The following BCL9L variants were observed in gnomAD, a reference collection of about 807,000 sequenced individuals.
BCL9L encodes the protein B-cell CLL/lymphoma 9-like protein.
BCL9L carries 19 observed loss-of-function variants against 99.4 expected under a neutral mutation model. That is an observed-to-expected ratio of 0.19 (90% CI 0.13 to 0.28). BCL9L has a LOEUF of 0.28. BCL9L is among the 10% of genes least tolerant of loss of function. The pLI, the probability that BCL9L is intolerant of heterozygous loss-of-function variation, is 1.00. For missense variants in BCL9L, 2,023 were observed against 2,101.6 expected (o/e 0.96, Z 0.73); for synonymous variants, 900 against 854.8 (o/e 1.05, Z -0.92).
Position 118,899,035 on chromosome 11 carries a change from G to A in BCL9L, c.3880C>T (p.Pro1294Ser), listed in dbSNP as rs1465256208. The A allele has an allele frequency of 8.1e-6, 13 of 1,613,472 alleles. No homozygotes were observed. In the East Asian group the frequency reaches 1.1e-4, roughly 14 times the overall value. The change falls in exon 10 of 10, where the codon CCA becomes TCA. Residue 1294 changes from proline (P) to serine (S), a missense_variant. By Grantham distance (74) the Pro-to-Ser change is moderately conservative. This residue lies in a region of BCL9L where 902 missense variants were observed against 888.2 expected (regional missense o/e 1.02). Coordinates refer to ENST00000683865, the MANE Select transcript of BCL9L (RefSeq NM_001378213.1). Reference sequence around the variant, plus strand: ...GCCACCCCAGGGAGCACACCCGGTGGGTATGCGTCGCCCATGCGCCCAGCC... The same window carrying A: ...GCCACCCCAGGGAGCACACCCGGTGAGTATGCGTCGCCCATGCGCCCAGCC... ...AMAGRMGDAYPPGVLPGVASV... is the reference protein window; with the variant it reads ...AMAGRMGDAYSPGVLPGVASV...
rs1164695695 is a variant in BCL9L, at chr11:118,914,257, G to A, written c.-76-4242C>T. ...AATCTGTCCCCTATTTAGGGGGGTA[G>A]GGGTGGCCGAGGAACCTCCTCCAAA... On this transcript the variant is annotated intron_variant, in intron 2 of 9. Coordinates refer to ENST00000683865, the MANE Select transcript of BCL9L (RefSeq NM_001378213.1). The surrounding 1 kb of genome is among the most constrained non-coding windows in gnomAD (Gnocchi z 4.4). Among the ~76,000 whole-genome samples the A allele has an allele frequency of 1.3e-5, 2 of 152,132 alleles. No individual in the cohort carries two copies. The highest frequency in any genetic ancestry group is 2.4e-5 in the African/African-American group (1 of 41,410).
chr11:118,921,102 C>T lies in BCL9L; in HGVS notation c.-130-2223G>A, dbSNP rs1941125398. ...ACATCCAAAGACGTTTCCTAAAAAG[C>T]ACTCCAAATTCTCCAAGAGTGGCCC... On this transcript the variant is annotated intron_variant, in intron 1 of 9. Coordinates refer to ENST00000683865, the MANE Select transcript of BCL9L (RefSeq NM_001378213.1). The surrounding 1 kb of genome is among the most constrained non-coding windows in gnomAD (Gnocchi z 5.4). Among the ~76,000 whole-genome samples, 1 of 152,172 alleles carries T rather than the reference C, an allele frequency of 6.6e-6. No homozygotes were observed. Among genetic ancestry groups the T allele is most frequent in the African/African-American group, 2.4e-5 (1 of 41,428 alleles).
Position 118,899,952 on chromosome 11 carries a change from A to C in BCL9L, c.3371T>G (p.Leu1124Arg), listed in dbSNP as rs1189132553. ...GCCCTGCGGTGGTGGTGGGGGGGGC[A>C]GCAGGGGCCGGTCGGGCAGCAGCTC... is the stretch of plus-strand genomic sequence containing the variant. Reference protein sequence around the residue: ...DDELLPDRPLLPPPPPPQGSG... With the variant: ...DDELLPDRPLRPPPPPPQGSG... Residue 1124 changes from leucine (L) to arginine (R), a missense_variant, in exon 9 of 10, where the codon CTG (leucine) becomes CGG (arginine). Leu to Arg is a moderately radical substitution (Grantham distance 102, BLOSUM62 -2). Coordinates refer to ENST00000683865, the MANE Select transcript of BCL9L (RefSeq NM_001378213.1). 1.9e-6 allele frequency: 3 copies of C among 1,613,424 alleles called. No homozygotes were observed. The highest frequency in any genetic ancestry group is 2.5e-6 in the Non-Finnish European group (3 of 1,179,916).
intron 3 of BCL9L, 46 bp from the exon 4 acceptor site, chr11:118,908,701 C>A (rs1210220912): frequency 6.5e-7 from 1 of 1,530,586 alleles, no homozygotes; most frequent in Non-Finnish European, 8.8e-7. Flanking sequence ...TTGCTAGGGG[C>A]TAGGCATGCC....
chr11:118,902,572 G>A lies in BCL9L; in HGVS notation c.1171C>T (p.Arg391Cys), dbSNP rs768669983. 1.4e-5 allele frequency: 22 copies of A among 1,601,114 alleles called. No homozygotes were observed. The highest frequency in any genetic ancestry group is 1.7e-5 in the Non-Finnish European group (20 of 1,179,864). Residue 391 changes from arginine to cysteine, a missense_variant, in exon 8 of 10, where the codon CGC (arginine) becomes TGC (cysteine). Physicochemically the swap from Arg to Cys is radical, Grantham distance 180 (BLOSUM62 -3). Around this residue, in one of 3 missense-constraint regions of BCL9L, gnomAD observed 1,116 missense variants for 1,194.6 expected, o/e 0.93. Coordinates refer to ENST00000683865, the MANE Select transcript of BCL9L (RefSeq NM_001378213.1). This position sits in a 1 kb window ranked among gnomAD's most constrained non-coding sequence, Gnocchi z 7.8. ...GEAAAPGNGQ[R>C]SLVGSEGLSK... Reference sequence around the variant, plus strand: ...AAGCCCTCTGAGCCCACCAGGCTGCGCTGCCCATTTCCAGGGGCGGCTGCC... The same window carrying A: ...AAGCCCTCTGAGCCCACCAGGCTGCACTGCCCATTTCCAGGGGCGGCTGCC...
rs757330776 is a variant in BCL9L, at chr11:118,900,964, G to T, written c.2779C>A (p.Pro927Thr). Residue 927 changes from proline to threonine, a missense_variant, in exon 8 of 10, where the codon CCG (proline) becomes ACG (threonine). Physicochemically the swap from Pro to Thr is conservative, Grantham distance 38 (BLOSUM62 -1). Coordinates refer to ENST00000683865, the MANE Select transcript of BCL9L (RefSeq NM_001378213.1). The surrounding 1 kb of genome is among the most constrained non-coding windows in gnomAD (Gnocchi z 5.3). ...LTISINQMGS[P>T]GMGHLKSPTL... Reference sequence around the variant, plus strand: ...GGCGACTTCAAGTGCCCCATGCCCGGTGAGCCCATCTGATTAATACTGATG... The same window carrying T: ...GGCGACTTCAAGTGCCCCATGCCCGTTGAGCCCATCTGATTAATACTGATG... 2 of 1,553,078 alleles carry T rather than the reference G, an allele frequency of 1.3e-6. No individual in the cohort carries two copies. The highest frequency in any genetic ancestry group is 4.5e-5 in the East Asian group (2 of 44,308).
At position 118,903,046 on chromosome 11, in the gene BCL9L, C is replaced by T. The variant is rs747195156; in HGVS notation, c.778G>A (p.Ala260Thr). The T allele has an allele frequency of 6.3e-7, 1 of 1,588,738 alleles. No homozygotes were observed. Among genetic ancestry groups the T allele is most frequent in the Non-Finnish European group, 8.5e-7 (1 of 1,172,070 alleles). Reference protein sequence around the residue: ...TAAEAVLQGRADSILAYHQQN... With the variant: ...TAAEAVLQGRTDSILAYHQQN... The stretch of plus-strand genomic sequence containing the variant: ...TGGTGGTAGGCGAGGATGGAGTCGG[C>T]CCGGCCCTGCAGCACTGCCTCTGCA... Residue 260 changes from alanine to threonine, a missense_variant, in exon 7 of 10, where the codon GCC becomes ACC. Ala to Thr is a moderately conservative substitution (Grantham distance 58). Coordinates refer to ENST00000683865, the MANE Select transcript of BCL9L (RefSeq NM_001378213.1). This position sits in a 1 kb window ranked among gnomAD's most constrained non-coding sequence, Gnocchi z 5.6.
chr11:118,904,573 G>GT lies in BCL9L; in HGVS notation c.533-1122dup, dbSNP rs542290213. On this transcript the variant is annotated intron_variant, in intron 5 of 9. Transcript: ENST00000683865. ...TTGTTCCATGGTTAGACACTTGACT[G>GT]TAAGTCTTAGCGTAGAAAAAAATCT... Among the ~76,000 whole-genome samples the GT allele has an allele frequency of 5.6e-4, 85 of 152,322 alleles. No homozygotes were observed. In the South Asian group the frequency reaches 0.017, roughly 30 times the overall value.
In BCL9L at chr11:118,900,067, G is replaced by A. The variant is rs1940142767; in HGVS notation, c.3256C>T (p.Leu1086=). The A allele has an allele frequency of 6.2e-7, 1 of 1,614,062 alleles. No individual in the cohort carries two copies. Among genetic ancestry groups the A allele is most frequent in the African/African-American group, 1.3e-5 (1 of 75,014 alleles). The change falls in exon 9 of 10, where the codon CTG becomes TTG. Residue 1086 remains leucine, a synonymous_variant. Coordinates refer to ENST00000683865, the MANE Select transcript of BCL9L (RefSeq NM_001378213.1). This position sits in a 1 kb window ranked among gnomAD's most constrained non-coding sequence, Gnocchi z 5.3. ...DPTPSQNPLS[L]MMTQMSKYAM... ...TACTTGGACATCTGGGTCATCATCA[G>A]TGACAGGGGGTTCTGGGAAGGTGTG...
chr11:118,909,692 C>T (rs960312430), intron 3 of BCL9L, among the ~76,000 whole-genome samples: 2 of 152,042 alleles, frequency 1.3e-5, no homozygotes, highest in Non-Finnish European at 2.9e-5. Context: ...CTGCCAGTCC[C>T]CTCTGCCCCC....
At position 118,901,318 on chromosome 11, in the gene BCL9L, G is replaced by T. The variant is rs780708177; in HGVS notation, c.2425C>A (p.Pro809Thr). 2 of 1,613,446 alleles carry T rather than the reference G, an allele frequency of 1.2e-6. No individual in the cohort carries two copies. Among genetic ancestry groups the T allele is most frequent in the South Asian group, 1.1e-5 (1 of 91,082 alleles). ...ATCTCCTCAGGACTGAGGCCCTGGG[G>T]CCCCATCAAGTCCCCAGGGCCCCGC... ...KMRGPGDLMG[P>T]QGLSPEEMAR... is the part of the protein sequence containing the mutation. Residue 809 changes from proline to threonine, a missense_variant, in exon 8 of 10, where the codon CCC becomes ACC. Pro to Thr is a conservative substitution (Grantham distance 38, BLOSUM62 -1). Around this residue, in one of 3 missense-constraint regions of BCL9L, gnomAD observed 1,116 missense variants for 1,194.6 expected, o/e 0.93. Coordinates refer to ENST00000683865, the MANE Select transcript of BCL9L (RefSeq NM_001378213.1). The surrounding 1 kb of genome is among the most constrained non-coding windows in gnomAD (Gnocchi z 6.6).
In BCL9L at chr11:118,901,510, C is replaced by A; in HGVS notation, c.2233G>T (p.Gly745Cys). 1 of 1,614,122 alleles carries A rather than the reference C, an allele frequency of 6.2e-7. No individual in the cohort carries two copies. Among genetic ancestry groups the A allele is most frequent in the Non-Finnish European group, 8.5e-7 (1 of 1,180,026 alleles). ...GTPMGMEFGG[G>C]RGLLSPPMGQ... is the part of the protein sequence containing the mutation. ...ATGGGAGGGCTCAGGAGGCCCCGGC[C>A]TCCACCAAACTCCATGCCCATGGGA... The change falls in exon 8 of 10, where the codon GGC becomes TGC. Residue 745 changes from glycine to cysteine, a missense_variant. Physicochemically the swap from Gly to Cys is radical, Grantham distance 159. Around this residue, in one of 3 missense-constraint regions of BCL9L, gnomAD observed 1,116 missense variants for 1,194.6 expected, o/e 0.93. Transcript: ENST00000683865. This position sits in a 1 kb window ranked among gnomAD's most constrained non-coding sequence, Gnocchi z 6.6.
Position 118,899,186 on chromosome 11 carries a change from C to A in BCL9L, c.3729G>T (p.Gly1243=), listed in dbSNP as rs1042128750. Residue 1243 remains glycine, a synonymous_variant, in exon 10 of 10, where the codon GGG becomes GGT. Transcript: ENST00000683865. ...QQPHGAMAPT[G]GGGGGPGLQQ... is the part of the protein sequence containing the mutation. ...GCAGGCCAGGCCCCCCGCCCCCACC[C>A]CCAGTGGGGGCCATGGCACCATGGG... 4 of 1,490,902 alleles carry A rather than the reference C, an allele frequency of 2.7e-6. No homozygotes were observed. Among genetic ancestry groups the A allele is most frequent in the Non-Finnish European group, 2.7e-6 (3 of 1,119,104 alleles). 92.4% of individuals were successfully genotyped at this position (1,490,902 alleles called of 1,614,324 possible).
chr11:118,917,565 G>A (rs1013866543), intron 2 of BCL9L, among the ~76,000 whole-genome samples: 1 of 152,150 alleles, frequency 6.6e-6, no homozygotes, highest in African/African-American at 2.4e-5. Flanking sequence ...ATGCACCACA[G>A]TATCAGTCCT....
rs147838469 is a variant in BCL9L, at chr11:118,918,263, C to CTG, written c.-77+561_-77+562dup. 6.7e-3 allele frequency among the ~76,000 whole-genome samples: 998 copies of CTG among 148,682 alleles called. 11 individuals carry two copies. The highest frequency in any genetic ancestry group is 0.018 in the East Asian group (91 of 5,108). On this transcript the variant is annotated intron_variant, in intron 2 of 9. Transcript: ENST00000683865. ...AAGGGGGGCTGGCGGAGGGAAGAGG[C>CTG]TGTGTGTGTGTGTGTGTGTGTCTGT...
chr11:118,905,161 A>T (rs1466158665), intron 5 of BCL9L, among the ~76,000 whole-genome samples: 2 of 152,188 alleles, frequency 1.3e-5, no homozygotes, highest in Non-Finnish European at 2.9e-5. Context: ...TGATGGCAGA[A>T]CTAGTCCTGT....
At chr11:118,908,089 T>C (rs570013705) in intron 4 of BCL9L, among the ~76,000 whole-genome samples, 181 bp downstream of exon 4, 1 of 152,310 alleles carries the variant, frequency 6.6e-6, no homozygotes, top group East Asian at 1.9e-4. Context: ...GGTGGCATCA[T>C]GGCCAACCCC....
At chr11:118,910,094 A>G (rs1940715920) in intron 2 of BCL9L, 79 bp from the exon 3 acceptor site, 2 of 1,011,024 alleles carry the variant, frequency 2.0e-6, no homozygotes, top group Admixed American at 4.2e-5. Flanking sequence ...GGGAGGACCC[A>G]ACAGCCCTGG....
rs139987150 is a variant in BCL9L at position 118,899,943 on chromosome 11, G to A, written c.3380C>T (p.Pro1127Leu). 58 of 1,611,760 alleles carry A rather than the reference G, an allele frequency of 3.6e-5. 1 individual carries two copies. The South Asian group carries it at 3.8e-4, about 11-fold the overall frequency. Residue 1127 changes from proline to leucine, a missense_variant, in exon 9 of 10, where the codon CCA becomes CTA. This residue lies in a region of BCL9L where 902 missense variants were observed against 888.2 expected (regional missense o/e 1.02). Coordinates refer to ENST00000683865, the MANE Select transcript of BCL9L (RefSeq NM_001378213.1). ...TGGCCCGGAGCCCTGCGGTGGTGGT[G>A]GGGGGGGCAGCAGGGGCCGGTCGGG... ...LLPDRPLLPP[P>L]PPPQGSGPGI...
Sources: allele counts gnomAD v4.1 joint callset (sites outside exome capture counted in the v4.1 genomes callset), GRCh38; gene constraint gnomAD v4.1.1; regional missense constraint gnomAD v4.1.1; non-coding constraint Gnocchi (gnomAD v3.1); transcripts MANE v1.5; gene names NCBI Gene and HGNC (gene_info 2026-07-23, HGNC 2026-07-21).